RBFOX1: variants seen among roughly 807,000 people sequenced by gnomAD.
RBFOX1 encodes RNA binding fox-1 homolog 1, also known as RNA binding protein fox-1 homolog 1.
A neutral mutation model predicts 57.7 loss-of-function variants in RBFOX1; 8 were observed. That is an observed-to-expected ratio of 0.14 (90% confidence interval 0.08 to 0.25). The LOEUF is 0.25. RBFOX1 is among the 10% of genes least tolerant of loss of function. RBFOX1 has a pLI of 1.00. For missense variants in RBFOX1, 611 were observed against 548.5 expected, an observed-to-expected ratio of 1.11 and a Z score of -1.14; for synonymous variants, 326 against 222.4, an observed-to-expected ratio of 1.47 and a Z score of -4.15.
chr16:6,249,539 C>A (rs1211451479), intron 1 of RBFOX1, among the ~76,000 whole-genome samples: 1 of 151,660 alleles, frequency 6.6e-6, no homozygotes, highest in East Asian at 1.9e-4. Flanking sequence ...AACAAACAAA[C>A]AAAAAAACAA....
intron 1 of RBFOX1, among the ~76,000 whole-genome samples, chr16:6,026,249 T>C (rs2095191705): frequency 6.6e-6 from 1 of 152,234 alleles, no homozygotes; most frequent in South Asian, 2.1e-4. Context: ...TGTTTGGACA[T>C]CACTGTCTCC....
At chr16:6,096,055 A>G (rs996487137) in intron 1 of RBFOX1, among the ~76,000 whole-genome samples, 2 of 152,222 alleles carry the variant, frequency 1.3e-5, no homozygotes, top group Admixed American at 6.5e-5. Context: ...AAGTCTCATC[A>G]TGTGTCACTT....
chr16:5,793,340 G>C (rs890574406), intron 3 of RBFOX1, among the ~76,000 whole-genome samples: 2 of 152,168 alleles, frequency 1.3e-5, no homozygotes, highest in African/African-American at 2.4e-5. Context: ...TTCTTGTTTT[G>C]TCAACATGCC....
At chr16:6,930,278 C>T (rs566533670) in intron 3 of RBFOX1, among the ~76,000 whole-genome samples, 24 of 152,250 alleles carry the variant, frequency 1.6e-4, no homozygotes, top group East Asian at 1.3e-3. Flanking sequence ...TTTGAATAGA[C>T]GTGTCTCCAA....
intron 3 of RBFOX1, among the ~76,000 whole-genome samples, chr16:6,676,528 A>G (rs998175828): frequency 2.6e-5 from 4 of 152,100 alleles, no homozygotes; most frequent in African/African-American, 7.2e-5. Context: ...TACACATTCT[A>G]TGCATATAAT....
chr16:5,597,663 CT>C (rs2047230971), intron 2 of RBFOX1, among the ~76,000 whole-genome samples: 1 of 152,038 alleles, frequency 6.6e-6, no homozygotes, highest in Non-Finnish European at 1.5e-5. Context: ...GCCTTGCTGA[CT>C]TTTGATTAAT....
intron 1 of RBFOX1, among the ~76,000 whole-genome samples, chr16:5,367,281 G>A (rs1393978497): frequency 2.0e-5 from 3 of 152,182 alleles, no homozygotes; most frequent in Admixed American, 2.0e-4. Context: ...TGCAGTATTA[G>A]AAATCAGTGA....
chr16:7,463,704 A>G (rs1054254146), intron 4 of RBFOX1, among the ~76,000 whole-genome samples: 2 of 152,140 alleles, frequency 1.3e-5, no homozygotes, highest in Admixed American at 6.5e-5. Flanking sequence ...GATTCCAGAG[A>G]TTAGGGCATG....
chr16:6,714,979 G>A (rs1399991112), intron 3 of RBFOX1, among the ~76,000 whole-genome samples: 1 of 152,264 alleles, frequency 6.6e-6, no homozygotes, highest in East Asian at 1.9e-4. Flanking sequence ...GTTAAGCCTC[G>A]AAGATGGGTA....
At chr16:7,505,788 C>T (rs1371095169) in intron 4 of RBFOX1, among the ~76,000 whole-genome samples, 2 of 152,154 alleles carry the variant, frequency 1.3e-5, no homozygotes, top group Admixed American at 6.5e-5. Flanking sequence ...TGAAATGAGA[C>T]AAGTAGCTTT....
intron 1 of RBFOX1, among the ~76,000 whole-genome samples, chr16:5,288,983 GGCATGGTGGC>G (rs564579844): frequency 9.7e-4 from 148 of 152,192 alleles, no homozygotes; most frequent in African/African-American, 2.7e-3. Flanking sequence ...AAATTAGCTG[GGCATGGTGGC>G]GCACGCCTGT....
At chr16:6,091,929 A>T (rs1353006117) in intron 1 of RBFOX1, among the ~76,000 whole-genome samples, 1 of 152,216 alleles carries the variant, frequency 6.6e-6, no homozygotes, top group Non-Finnish European at 1.5e-5. Context: ...TTATTCATCC[A>T]TCTACCTCCC....
At chr16:7,078,021 A>C (rs530634963) in intron 4 of RBFOX1, among the ~76,000 whole-genome samples, 2 of 152,330 alleles carry the variant, frequency 1.3e-5, no homozygotes, top group East Asian at 3.9e-4. Flanking sequence ...CATTACCTCC[A>C]TCACTGCTAA....
At chr16:5,255,165 C>T (rs552500521) in intron 1 of RBFOX1, among the ~76,000 whole-genome samples, 2 of 152,168 alleles carry the variant, frequency 1.3e-5, no homozygotes, top group Non-Finnish European at 2.9e-5. Flanking sequence ...TAAGGCTGAC[C>T]ATTACCCATA....
chr16:6,869,327 T>C (rs1019414076), intron 3 of RBFOX1, among the ~76,000 whole-genome samples: 4 of 152,132 alleles, frequency 2.6e-5, no homozygotes, highest in African/African-American at 9.7e-5. Context: ...GATGAAGAAA[T>C]GGGCTCAGAG....
At chr16:5,280,796 G>T (rs1250616271) in intron 1 of RBFOX1, among the ~76,000 whole-genome samples, 2 of 150,256 alleles carry the variant, frequency 1.3e-5, no homozygotes, top group Admixed American at 6.6e-5. Flanking sequence ...TTTCATTTCT[G>T]ATTGTATTTA....
intron 2 of RBFOX1, among the ~76,000 whole-genome samples, chr16:5,539,297 C>G (rs1467369817): frequency 6.6e-6 from 1 of 151,978 alleles, no homozygotes; most frequent in African/African-American, 2.4e-5. Context: ...AACCTTGTTC[C>G]AAGGGAGTGA....
At chr16:5,813,787 A>G (rs1454890029) in intron 3 of RBFOX1, among the ~76,000 whole-genome samples, 1 of 152,216 alleles carries the variant, frequency 6.6e-6, no homozygotes, top group African/African-American at 2.4e-5. Flanking sequence ...AGATTTCATT[A>G]TTTGGATCCA....
intron 4 of RBFOX1, among the ~76,000 whole-genome samples, chr16:5,884,635 A>T (rs952882271): frequency 6.6e-6 from 1 of 152,094 alleles, no homozygotes; most frequent in Non-Finnish European, 1.5e-5. Context: ...GCTCATCCCC[A>T]TGTTCTCTCA....
Sources: allele counts gnomAD v4.1 joint callset (sites outside exome capture counted in the v4.1 genomes callset), GRCh38; gene constraint gnomAD v4.1.1; transcripts MANE v1.5; gene names NCBI Gene and HGNC (gene_info 2026-07-23, HGNC 2026-07-21).